Variants in SHISA9 observed in about 807,000 individuals in gnomAD.
The protein encoded by SHISA9 is shisa family member 9.
In SHISA9, 13 loss-of-function variants were observed where a neutral mutation model predicts 38.0. The ratio of observed to expected loss-of-function variants is 0.34; its 90% confidence interval spans 0.22 to 0.54. The LOEUF is 0.54. Ranked by LOEUF, SHISA9 falls within the 20% of genes least tolerant of loss-of-function variation. The pLI, the probability that SHISA9 is intolerant of heterozygous loss-of-function variation, is 0.91. For synonymous variants in SHISA9, 275 were observed against 242.0 expected (o/e 1.14, Z -1.27); for missense variants, 538 against 575.8 (o/e 0.93, Z 0.67).
At chr16:13,323,626 G>C in the SHISA9 span, among the ~76,000 whole-genome samples, 1 of 152,098 alleles carries the variant, frequency 6.6e-6, no homozygotes, top group Non-Finnish European at 1.5e-5. Flanking sequence ...GCACGCCTGG[G>C]GAGGCCTCAG....
chr16:13,109,242 C>T (rs954599166), intron 2 of SHISA9, among the ~76,000 whole-genome samples: 4 of 151,890 alleles, frequency 2.6e-5, no homozygotes, highest in Non-Finnish European at 5.9e-5. Flanking sequence ...CCCAGGGTGA[C>T]CTTGAACTCC....
chr16:13,289,904 C>T, the SHISA9 span, among the ~76,000 whole-genome samples: 1 of 152,230 alleles, frequency 6.6e-6, no homozygotes, highest in African/African-American at 2.4e-5. Context: ...TTTGAATAAT[C>T]CTGACTAACA....
the SHISA9 span, among the ~76,000 whole-genome samples, chr16:13,499,864 A>G: frequency 6.6e-6 from 1 of 152,174 alleles, no homozygotes; most frequent in Non-Finnish European, 1.5e-5. Flanking sequence ...CTATCCGTCT[A>G]CTTACCCAAA....
intron 4 of SHISA9, among the ~76,000 whole-genome samples, chr16:13,233,952 A>G (rs1296415177): frequency 6.6e-6 from 1 of 152,168 alleles, no homozygotes; most frequent in Non-Finnish European, 1.5e-5. Context: ...GCAGTGAGCT[A>G]TGATTGTGCC....
At chr16:13,365,938 T>C in the SHISA9 span, among the ~76,000 whole-genome samples, 1 of 152,202 alleles carries the variant, frequency 6.6e-6, no homozygotes, top group Admixed American at 6.5e-5. Flanking sequence ...GGAATGATTC[T>C]ATAGCTCAGT....
At chr16:13,444,222 T>G in the SHISA9 span, among the ~76,000 whole-genome samples, 1 of 152,100 alleles carries the variant, frequency 6.6e-6, no homozygotes, top group Non-Finnish European at 1.5e-5. Context: ...AATATGAAAA[T>G]TAGCCAGGCG....
chr16:13,072,896 A>G (rs181924692), intron 2 of SHISA9, among the ~76,000 whole-genome samples: 66 of 152,264 alleles, frequency 4.3e-4, no homozygotes, highest in Non-Finnish European at 9.0e-4. Flanking sequence ...CCTGGTCTCA[A>G]GTGATCCACC....
chr16:13,199,200 G>A lies in SHISA9; in HGVS notation c.692-4194G>A, dbSNP rs192121427. Among the ~76,000 whole-genome samples, 249 of 152,294 alleles carry A rather than the reference G, an allele frequency of 1.6e-3. 2 individuals carry two copies. Among genetic ancestry groups the A allele is most frequent in the African/African-American group, 5.7e-3 (236 of 41,558 alleles). ...ATGAGAGAAAGGACTTATACTGGAGGATAATAGGCTTTGAAGGTTCAAATC... is the reference window on the plus strand; with the variant it reads ...ATGAGAGAAAGGACTTATACTGGAGAATAATAGGCTTTGAAGGTTCAAATC... On this transcript the variant is annotated intron_variant, in intron 2 of 4. Transcript: ENST00000558583.
the SHISA9 span, among the ~76,000 whole-genome samples, chr16:13,303,264 A>C: frequency 6.6e-6 from 1 of 152,350 alleles, no homozygotes; most frequent in East Asian, 1.9e-4. Context: ...TGAAAAAAAT[A>C]CATGTGCATG....
At chr16:13,405,255 C>G in the SHISA9 span, among the ~76,000 whole-genome samples, 1 of 152,154 alleles carries the variant, frequency 6.6e-6, no homozygotes, top group East Asian at 1.9e-4. Flanking sequence ...AAAAGAAACC[C>G]AGTCCTAGTG....
intron 2 of SHISA9, among the ~76,000 whole-genome samples, chr16:12,957,391 C>A (rs942884464): frequency 1.3e-5 from 2 of 152,146 alleles, no homozygotes; most frequent in Non-Finnish European, 2.9e-5. Context: ...ATTCCGGAGG[C>A]TGGAAGTCTG....
chr16:13,216,174 G>A (rs1343144318), intron 4 of SHISA9, among the ~76,000 whole-genome samples: 5 of 134,794 alleles, frequency 3.7e-5, no homozygotes, highest in African/African-American at 5.9e-5. Context: ...GCGGCAGAGC[G>A]AGACTCTGTC....
At chr16:13,544,951 A>G in the SHISA9 span, among the ~76,000 whole-genome samples, 1 of 152,168 alleles carries the variant, frequency 6.6e-6, no homozygotes, top group Non-Finnish European at 1.5e-5. Flanking sequence ...AAAAAAAAAC[A>G]ATAGAAGACT....
chr16:13,455,602 T>C, the SHISA9 span, among the ~76,000 whole-genome samples: 3 of 152,230 alleles, frequency 2.0e-5, no homozygotes, highest in Non-Finnish European at 4.4e-5. Flanking sequence ...TTGATAATTA[T>C]GTTCATTCAA....
chr16:12,931,654 G>T, intron 2 of SHISA9, among the ~76,000 whole-genome samples: 1 of 152,166 alleles, frequency 6.6e-6, no homozygotes, highest in African/African-American at 2.4e-5. Context: ...ATTCCATGGT[G>T]TATATGTACC....
chr16:13,143,433 C>T (rs767165695), intron 2 of SHISA9, among the ~76,000 whole-genome samples: 3 of 152,162 alleles, frequency 2.0e-5, no homozygotes, highest in Non-Finnish European at 4.4e-5. Flanking sequence ...AGGAAGGAAG[C>T]AGTTACAACA....
At chr16:12,966,997 A>C (rs905890900) in intron 2 of SHISA9, among the ~76,000 whole-genome samples, 1 of 152,148 alleles carries the variant, frequency 6.6e-6, no homozygotes, top group Non-Finnish European at 1.5e-5. Flanking sequence ...CCAGAAATGA[A>C]TAAGACATGG....
intron 2 of SHISA9, among the ~76,000 whole-genome samples, chr16:12,919,491 A>T (rs1485168386): frequency 6.6e-6 from 1 of 152,224 alleles, no homozygotes; most frequent in African/African-American, 2.4e-5. Context: ...TTGCTTTAAG[A>T]GAATACTAAT....
chr16:13,265,595 T>C, the SHISA9 span, among the ~76,000 whole-genome samples: 2 of 107,930 alleles, frequency 1.9e-5, no homozygotes, highest in Admixed American at 1.2e-4. Flanking sequence ...CCCTCCCCTC[T>C]CCTTCCCTTC....
Sources: allele counts gnomAD v4.1 joint callset (sites outside exome capture counted in the v4.1 genomes callset), GRCh38; gene constraint gnomAD v4.1.1; transcripts MANE v1.5; gene names NCBI Gene and HGNC (gene_info 2026-07-23, HGNC 2026-07-21).